Variants in DMBX1 observed in about 807,000 individuals in gnomAD.
DMBX1 encodes the protein diencephalon/mesencephalon homeobox 1.
DMBX1 carries 7 observed loss-of-function variants against 30.4 expected under a neutral mutation model. The observed-to-expected ratio is 0.23, with a 90% CI of 0.13 to 0.43. DMBX1 has a LOEUF of 0.43. Ranked by LOEUF, DMBX1 falls within the 20% of genes least tolerant of loss-of-function variation. The probability of loss-of-function intolerance (pLI) is 1.00; values close to 1 mark genes in which losing one functional copy is unlikely to be tolerated. For missense variants in DMBX1, 460 were observed against 508.5 expected (o/e 0.90, Z 0.92); for synonymous variants, 222 against 214.2 (o/e 1.04, Z -0.32).
At chr1:46,502,462 C>G (rs1484710300) in intron 2 of DMBX1, among the ~76,000 whole-genome samples, 2 of 152,120 alleles carry the variant, frequency 1.3e-5, no homozygotes, top group African/African-American at 4.8e-5. Context: ...TCGGCACCTC[C>G]TCCCACTCTA....
At chr1:46,511,988 T>G in intron 5 of DMBX1, 55 bp from the exon 6 acceptor site, 1 of 1,546,120 alleles carries the variant, frequency 6.5e-7, no homozygotes, top group Admixed American at 1.8e-5. Flanking sequence ...GCACCTCTCC[T>G]GGCAGACCAA....
rs1666469677 is a variant in DMBX1, at chr1:46,515,368, A to G, written c.*2874A>G. On this transcript the variant is annotated 3_prime_UTR_variant, in exon 6 of 6. Coordinates refer to ENST00000360032, the MANE Select transcript of DMBX1 (RefSeq NM_172225.2). ...CAAGTGACTGTCACTAGGCCTTGGA[A>G]TCCAACAGCCTTAGATATCACTACC... 1.3e-5 allele frequency among the ~76,000 whole-genome samples: 2 copies of G among 152,184 alleles called. No homozygotes were observed. Among genetic ancestry groups the G allele is most frequent in the Admixed American group, 6.5e-5 (1 of 15,280 alleles).
chr1:46,494,637 T>G (rs955094531), intron 2 of DMBX1, among the ~76,000 whole-genome samples: 1 of 152,172 alleles, frequency 6.6e-6, no homozygotes, highest in Admixed American at 6.5e-5. Flanking sequence ...CCCCCATCCC[T>G]GAGCCAAGAG....
chr1:46,506,715 T>A (rs1666242388), intron 2 of DMBX1, among the ~76,000 whole-genome samples: 1 of 152,126 alleles, frequency 6.6e-6, no homozygotes, highest in South Asian at 2.1e-4. Context: ...TCCTGAGTGG[T>A]GGACTTGAGG....
Position 46,512,438 on chromosome 1 carries a change from C to A in DMBX1, c.1078C>A (p.Arg360=). 6.2e-7 allele frequency: 1 copy of A among 1,613,772 alleles called. No individual in the cohort carries two copies. The highest frequency in any genetic ancestry group is 2.2e-5 in the East Asian group (1 of 44,880). ...TAAAACCACAAGCATCGAGAACCTG[C>A]GGCTCCGGGCCAAGCAGCACGCGGC... ...NSKTTSIENL[R]LRAKQHAASL... is the part of the protein sequence containing the mutation. Residue 360 remains arginine (R), a synonymous_variant, in exon 6 of 6, where the codon CGG becomes AGG. Transcript: ENST00000360032. This position sits in a 1 kb window ranked among gnomAD's most constrained non-coding sequence, Gnocchi z 4.8.
intron 2 of DMBX1, among the ~76,000 whole-genome samples, chr1:46,492,439 C>T (rs759921617): frequency 6.6e-6 from 1 of 152,326 alleles, no homozygotes; most frequent in East Asian, 1.9e-4. Flanking sequence ...CGTCAGTGCT[C>T]TGGGAGTGTA....
chr1:46,512,100 C>G lies in DMBX1; in HGVS notation c.740C>G (p.Pro247Arg). The part of the protein sequence containing the change: ...PVAPGGGLLG[P>R]SHSYSSSPLS... Reference sequence around the variant, plus strand: ...GCCCCAGGGGGTGGCCTCCTGGGCCCCTCCCACTCCTATTCCTCGTCCCCG... The same window carrying G: ...GCCCCAGGGGGTGGCCTCCTGGGCCGCTCCCACTCCTATTCCTCGTCCCCG... Residue 247 changes from proline to arginine, a missense_variant, in exon 6 of 6, where the codon CCC becomes CGC. Around this residue, in one of 3 missense-constraint regions of DMBX1, gnomAD observed 334 missense variants for 345.1 expected, o/e 0.97. Transcript: ENST00000360032. The surrounding 1 kb of genome is among the most constrained non-coding windows in gnomAD (Gnocchi z 4.8). 4 of 1,613,770 alleles carry G rather than the reference C, an allele frequency of 2.5e-6. No homozygotes were observed. The highest frequency in any genetic ancestry group is 3.4e-6 in the Non-Finnish European group (4 of 1,179,942).
chr1:46,493,814 G>A lies in DMBX1; in HGVS notation c.-13+3031G>A, dbSNP rs538747823. 7.9e-5 allele frequency among the ~76,000 whole-genome samples: 12 copies of A among 152,362 alleles called. No homozygotes were observed. The East Asian group carries it at 1.2e-3, about 15-fold the overall frequency. ...AGCCGCAACCGCGCTTTCTGCGCCC[G>A]CAGGACAGACCCTCCTCCGAGTTCC... On this transcript the variant is annotated intron_variant, in intron 2 of 5. Coordinates refer to ENST00000360032, the MANE Select transcript of DMBX1 (RefSeq NM_172225.2). The surrounding 1 kb of genome is among the most constrained non-coding windows in gnomAD (Gnocchi z 4.1).
rs1044620565 is a variant in DMBX1, at chr1:46,511,080, A to G, written c.479A>G (p.Glu160Gly). Residue 160 changes from glutamate (E) to glycine (G), a missense_variant, in exon 5 of 6, where the codon GAG becomes GGG. Physicochemically the swap from Glu to Gly is moderately conservative, Grantham distance 98. Around this residue, in one of 3 missense-constraint regions of DMBX1, gnomAD observed 334 missense variants for 345.1 expected, o/e 0.97. Coordinates refer to ENST00000360032, the MANE Select transcript of DMBX1 (RefSeq NM_172225.2). The part of the protein sequence containing the change: ...APTPDTQLDT[E>G]QPPRLPGSDP... ...ACTCCAGATACCCAGCTGGACACTGAGCAGCCCCCACGTCTGCCTGGCAGC... is the reference window on the plus strand; with the variant it reads ...ACTCCAGATACCCAGCTGGACACTGGGCAGCCCCCACGTCTGCCTGGCAGC... 3.1e-6 allele frequency: 5 copies of G among 1,613,972 alleles called. No individual in the cohort carries two copies. The African/African-American group carries it at 5.3e-5, about 17-fold the overall frequency.
rs751592441 is a variant in DMBX1, at chr1:46,507,208, G to A, written c.154+44G>A. 4.4e-6 allele frequency: 7 copies of A among 1,605,324 alleles called. No homozygotes were observed. The South Asian group carries it at 4.4e-5, about 10-fold the overall frequency. On this transcript the variant is annotated intron_variant, in intron 3 of 5. Coordinates refer to ENST00000360032, the MANE Select transcript of DMBX1 (RefSeq NM_172225.2). ...GGACCATGGGGACAGGACTGTGGGG[G>A]TTGGGGGAGAAGGCTCTGGAAGGCA... is the stretch of plus-strand genomic sequence containing the variant.
intron 2 of DMBX1, among the ~76,000 whole-genome samples, chr1:46,506,057 T>TTTTTA (rs1553187184): frequency 6.6e-6 from 1 of 150,468 alleles, no homozygotes; most frequent in Admixed American, 6.6e-5. Context: ...CTCATTTCTT[T>TTTTTA]TTTTTATTTT....
At chr1:46,509,630 A>T (rs1666313215) in intron 3 of DMBX1, among the ~76,000 whole-genome samples, 1 of 152,120 alleles carries the variant, frequency 6.6e-6, no homozygotes, top group Admixed American at 6.5e-5. Flanking sequence ...CTGGGTGGTT[A>T]TCATGTTACC....
intron 3 of DMBX1, among the ~76,000 whole-genome samples, chr1:46,508,284 G>A (rs1204824093): frequency 1.3e-5 from 2 of 152,216 alleles, no homozygotes; most frequent in Non-Finnish European, 2.9e-5. Context: ...GCAGCTCAGA[G>A]CAGCAGGATC....
At position 46,493,705 on chromosome 1, in the gene DMBX1, C is replaced by T. The variant is rs1031925364; in HGVS notation, c.-13+2922C>T. Among the ~76,000 whole-genome samples, 15 of 152,248 alleles carry T rather than the reference C, an allele frequency of 9.9e-5. No individual in the cohort carries two copies. The highest frequency in any genetic ancestry group is 3.4e-4 in the African/African-American group (14 of 41,472). On this transcript the variant is annotated intron_variant, in intron 2 of 5. Transcript: ENST00000360032. This position sits in a 1 kb window ranked among gnomAD's most constrained non-coding sequence, Gnocchi z 4.1. The stretch of plus-strand genomic sequence containing the variant: ...GGCCACTGGAGCCCACTGGGTTTCC[C>T]GGCCTGTTCCAGCCTCCACAGCTCT...
rs114867455 is a variant in DMBX1 at position 46,512,921 on chromosome 1, C to G, written c.*427C>G. 4.6e-3 allele frequency: 749 copies of G among 163,668 alleles called. 5 individuals carry two copies. The highest frequency in any genetic ancestry group is 0.017 in the African/African-American group (707 of 41,760). The allele number at this position is 163,668 out of a possible 1,614,324, so 10.1% of individuals were successfully genotyped here. A position where few individuals can be genotyped will look rare whatever the true frequency, so the allele number is the denominator to read the frequency against. Reference sequence around the variant, plus strand: ...CCTGCCCCAGGCCCCCTGCCCCACTCCCATCTCTTCTTCCCTGCCACCCCT... The same window carrying G: ...CCTGCCCCAGGCCCCCTGCCCCACTGCCATCTCTTCTTCCCTGCCACCCCT... On this transcript the variant is annotated 3_prime_UTR_variant, in exon 6 of 6. Coordinates refer to ENST00000360032, the MANE Select transcript of DMBX1 (RefSeq NM_172225.2). This position sits in a 1 kb window ranked among gnomAD's most constrained non-coding sequence, Gnocchi z 4.8.
chr1:46,510,395 A>G lies in DMBX1; in HGVS notation c.155-81A>G. 2.0e-6 allele frequency: 3 copies of G among 1,506,456 alleles called. No homozygotes were observed. In the South Asian group the frequency reaches 3.9e-5, roughly 19 times the overall value. The allele number at this position is 1,506,456 out of a possible 1,614,324, so 93.3% of individuals were successfully genotyped here. On this transcript the variant is annotated intron_variant, in intron 3 of 5. Transcript: ENST00000360032. This position sits in a 1 kb window ranked among gnomAD's most constrained non-coding sequence, Gnocchi z 4.1. Reference sequence around the variant, plus strand: ...GCAGCCTGGGTGTCCACAGTGGGTCAGAGCAGGATAAGATTCAAAGCTATT... The same window carrying G: ...GCAGCCTGGGTGTCCACAGTGGGTCGGAGCAGGATAAGATTCAAAGCTATT...
At position 46,514,334 on chromosome 1, in the gene DMBX1, T is replaced by C. The variant is rs563424095; in HGVS notation, c.*1840T>C. 4.6e-5 allele frequency: 7 copies of C among 152,370 alleles called. No homozygotes were observed. The East Asian group carries it at 1.3e-3, about 29-fold the overall frequency. 9.4% of individuals were successfully genotyped at this position (152,370 alleles called of 1,614,324 possible). A position where few individuals can be genotyped will look rare whatever the true frequency, so the allele number is the denominator to read the frequency against. ...GTCCTAGCCAGCTCTACATTCTGCA[T>C]TTGCTCGCAACCTTGTAACACAGAA... On this transcript the variant is annotated 3_prime_UTR_variant, in exon 6 of 6. Transcript: ENST00000360032.
At chr1:46,496,048 T>C (rs951396390) in intron 2 of DMBX1, among the ~76,000 whole-genome samples, 2 of 152,154 alleles carry the variant, frequency 1.3e-5, no homozygotes, top group African/African-American at 4.8e-5. Context: ...GGAGAGCCCT[T>C]GTTGGGAAGA....
chr1:46,497,791 T>C (rs1666051380), intron 2 of DMBX1, among the ~76,000 whole-genome samples: 1 of 152,262 alleles, frequency 6.6e-6, no homozygotes, highest in Non-Finnish European at 1.5e-5. Flanking sequence ...GCCATCTATA[T>C]GGCGCCTGTG....
Sources: gnomAD v4.1 joint callset for allele counts (sites outside exome capture counted in the v4.1 genomes callset) on GRCh38, gnomAD v4.1.1 for gene constraint, gnomAD v4.1.1 regional missense constraint, Gnocchi (gnomAD v3.1) non-coding constraint, MANE v1.5 for transcripts, NCBI Gene and HGNC (gene_info 2026-07-23, HGNC 2026-07-21) for gene names.